Variants in SHISA9 observed in about 807,000 individuals in gnomAD.
SHISA9 encodes shisa family member 9.
In SHISA9, 13 loss-of-function variants were observed where a neutral mutation model predicts 38.0. The ratio of observed to expected loss-of-function variants is 0.34; its 90% CI spans 0.22 to 0.54. SHISA9 has a LOEUF of 0.54. Among genes scored for constraint, SHISA9 ranks in the 20% least tolerant of loss-of-function variants. SHISA9 has a pLI of 0.91. For missense variants in SHISA9, 538 were observed against 575.8 expected, an observed-to-expected ratio of 0.93 and a Z score of 0.67; for synonymous variants, 275 against 242.0, an observed-to-expected ratio of 1.14 and a Z score of -1.27.
intron 2 of SHISA9, among the ~76,000 whole-genome samples, chr16:13,184,153 C>T (rs556565400): frequency 1.3e-5 from 2 of 152,142 alleles, no homozygotes; most frequent in Non-Finnish European, 2.9e-5. Context: ...AATTGAGAAG[C>T]CAGATGGTTT....
At chr16:13,044,949 G>C (rs1271025945) in intron 2 of SHISA9, among the ~76,000 whole-genome samples, 1 of 152,200 alleles carries the variant, frequency 6.6e-6, no homozygotes, top group African/African-American at 2.4e-5. Context: ...GCACATTCCA[G>C]GGCGCAGCTT....
the SHISA9 span, among the ~76,000 whole-genome samples, chr16:13,249,194 C>A: frequency 2.0e-5 from 3 of 152,288 alleles, no homozygotes; most frequent in Non-Finnish European, 4.4e-5. Flanking sequence ...AGACATTAGT[C>A]CTGGTCCAGC....
the SHISA9 span, among the ~76,000 whole-genome samples, chr16:13,273,432 G>A: frequency 2.0e-5 from 3 of 152,048 alleles, no homozygotes; most frequent in African/African-American, 4.8e-5. Context: ...TCCTGATAGC[G>A]AATAAGTCTC....
the SHISA9 span, among the ~76,000 whole-genome samples, chr16:13,556,230 G>C: frequency 2.0e-5 from 3 of 152,096 alleles, no homozygotes; most frequent in Non-Finnish European, 4.4e-5. Flanking sequence ...GGTGACTCGG[G>C]TATTTTTATT....
the SHISA9 span, among the ~76,000 whole-genome samples, chr16:13,316,239 G>C: frequency 6.6e-6 from 1 of 152,168 alleles, no homozygotes; most frequent in African/African-American, 2.4e-5. Context: ...TTGTGGAGCA[G>C]AGAAGAAACA....
chr16:13,183,658 T>C (rs2050795588), intron 2 of SHISA9, among the ~76,000 whole-genome samples: 1 of 152,246 alleles, frequency 6.6e-6, no homozygotes, highest in African/African-American at 2.4e-5. Flanking sequence ...TGTTTTCCTT[T>C]TGTGAATAAC....
chr16:13,461,699 C>T, the SHISA9 span, among the ~76,000 whole-genome samples: 4 of 148,768 alleles, frequency 2.7e-5, no homozygotes, highest in African/African-American at 7.4e-5. Flanking sequence ...CTGCAAGCTC[C>T]GCCTCCCAGG....
At chr16:13,038,657 G>A (rs74012248) in intron 2 of SHISA9, among the ~76,000 whole-genome samples, 2 of 152,228 alleles carry the variant, frequency 1.3e-5, no homozygotes, top group African/African-American at 2.4e-5. Flanking sequence ...AGCCTTCTCC[G>A]ACCCTTAACA....
intron 4 of SHISA9, among the ~76,000 whole-genome samples, chr16:13,230,692 G>T (rs2051323569): frequency 6.6e-6 from 1 of 152,196 alleles, no homozygotes; most frequent in Non-Finnish European, 1.5e-5. Context: ...ATAGAGTAAA[G>T]TGAAATTAAG....
the SHISA9 span, among the ~76,000 whole-genome samples, chr16:13,399,298 T>G: frequency 6.6e-6 from 1 of 151,800 alleles, no homozygotes. Flanking sequence ...ATGTAAGACC[T>G]GGGTCCTTCC....
chr16:13,091,686 A>C (rs530225481), intron 2 of SHISA9, among the ~76,000 whole-genome samples: 2 of 152,246 alleles, frequency 1.3e-5, no homozygotes, highest in East Asian at 3.9e-4. Flanking sequence ...TGTTTATTCT[A>C]GTTAGCCATT....
At chr16:13,410,403 A>G in the SHISA9 span, among the ~76,000 whole-genome samples, 1 of 152,188 alleles carries the variant, frequency 6.6e-6, no homozygotes, top group South Asian at 2.1e-4. Flanking sequence ...CATCTGCCCA[A>G]TGAGGCAACA....
intron 2 of SHISA9, among the ~76,000 whole-genome samples, chr16:13,037,355 CT>C (rs1003915016): frequency 1.4e-4 from 21 of 149,204 alleles, no homozygotes; most frequent in East Asian, 2.0e-4. Flanking sequence ...TGTCAGGAAG[CT>C]TTTTTTTTTC....
intron 2 of SHISA9, among the ~76,000 whole-genome samples, chr16:13,083,871 C>G (rs2073681464): frequency 6.6e-6 from 1 of 152,152 alleles, no homozygotes; most frequent in South Asian, 2.1e-4. Context: ...TGAAAAGAAT[C>G]TGGGCAGGGC....
chr16:13,339,600 G>T, the SHISA9 span, among the ~76,000 whole-genome samples: 3 of 152,142 alleles, frequency 2.0e-5, no homozygotes, highest in African/African-American at 4.8e-5. Flanking sequence ...ACCCATAGTA[G>T]ATTTTTCCTT....
chr16:13,014,947 C>T (rs751302638), intron 2 of SHISA9, among the ~76,000 whole-genome samples: 1 of 152,250 alleles, frequency 6.6e-6, no homozygotes, highest in South Asian at 2.1e-4. Flanking sequence ...ACCTATATGC[C>T]TCTTCCCCAC....
At chr16:13,164,002 C>T (rs374166907) in intron 2 of SHISA9, among the ~76,000 whole-genome samples, 2 of 151,962 alleles carry the variant, frequency 1.3e-5, no homozygotes, top group African/African-American at 4.8e-5. Context: ...CTGGATAGAA[C>T]CTCTAGTAAA....
intron 2 of SHISA9, among the ~76,000 whole-genome samples, chr16:12,969,536 G>C (rs1182169636): frequency 6.6e-6 from 1 of 152,170 alleles, no homozygotes; most frequent in Middle Eastern, 3.4e-3. Context: ...CTGAGGCCAG[G>C]AGTTCGAGAC....
At chr16:13,021,185 C>T (rs183193211) in intron 2 of SHISA9, among the ~76,000 whole-genome samples, 22 of 152,296 alleles carry the variant, frequency 1.4e-4, no homozygotes, top group Non-Finnish European at 1.5e-5. Flanking sequence ...TCCCTCCTAC[C>T]TCCTTCAGGG....
Sources: allele counts gnomAD v4.1 joint callset (sites outside exome capture counted in the v4.1 genomes callset), GRCh38; gene constraint gnomAD v4.1.1; transcripts MANE v1.5; gene names NCBI Gene and HGNC (gene_info 2026-07-23, HGNC 2026-07-21).